STPG4: variants seen among roughly 807,000 people sequenced by gnomAD.
STPG4 encodes the protein protein STPG4.
In STPG4, 41 loss-of-function variants were observed where a neutral mutation model predicts 31.5. That is an observed-to-expected ratio of 1.30 (90% CI 1.01 to 1.69). The LOEUF is 1.69. STPG4 is among the 40% of genes most tolerant of loss of function. The pLI, the probability that STPG4 is intolerant of heterozygous loss-of-function variation, is 0.00. For synonymous variants in STPG4, 141 were observed against 103.0 expected, an observed-to-expected ratio of 1.37 and a Z score of -2.24; for missense variants, 375 against 293.4, an observed-to-expected ratio of 1.28 and a Z score of -2.03.
chr2:47,131,862 G>C (rs771664896), intron 3 of STPG4, among the ~76,000 whole-genome samples: 13 of 152,168 alleles, frequency 8.5e-5, no homozygotes, highest in Non-Finnish European at 1.5e-4. Context: ...TATGATATAA[G>C]AATGTCAGGA....
chr2:47,098,043 G>T (rs1685710855), intron 5 of STPG4, among the ~76,000 whole-genome samples: 1 of 151,954 alleles, frequency 6.6e-6, no homozygotes, highest in Non-Finnish European at 1.5e-5. Flanking sequence ...GTATGAACAT[G>T]AGAATGGTTT....
intron 5 of STPG4, among the ~76,000 whole-genome samples, chr2:47,105,659 G>C (rs1030017570): frequency 2.6e-5 from 4 of 152,054 alleles, no homozygotes; most frequent in African/African-American, 9.7e-5. Flanking sequence ...AATGGGATAC[G>C]AAGGGCAGGT....
intron 5 of STPG4, among the ~76,000 whole-genome samples, chr2:47,093,215 A>G (rs753409843): frequency 1.3e-4 from 20 of 152,308 alleles, no homozygotes; most frequent in Admixed American, 3.9e-4. Flanking sequence ...CCAAGCACAC[A>G]TCTGATAATC....
intron 3 of STPG4, among the ~76,000 whole-genome samples, chr2:47,140,216 G>A (rs1173126277): frequency 6.6e-6 from 1 of 152,172 alleles, no homozygotes; most frequent in East Asian, 1.9e-4. Context: ...AAAGCTGGCT[G>A]GAGTTGGGTA....
At chr2:47,111,705 A>C (rs1399501604) in intron 5 of STPG4, among the ~76,000 whole-genome samples, 1 of 152,174 alleles carries the variant, frequency 6.6e-6, no homozygotes, top group Non-Finnish European at 1.5e-5. Context: ...TTATGGTAGA[A>C]TATGTCCTCT....
chr2:47,120,084 C>T (rs1230630844), intron 5 of STPG4, among the ~76,000 whole-genome samples: 2 of 152,144 alleles, frequency 1.3e-5, no homozygotes, highest in East Asian at 3.9e-4. Flanking sequence ...TAATCCCAGC[C>T]CTTTGGGAGG....
chr2:47,121,650 T>A (rs142588580), intron 5 of STPG4, among the ~76,000 whole-genome samples: 72 of 152,272 alleles, frequency 4.7e-4, no homozygotes, highest in African/African-American at 1.5e-3. Flanking sequence ...AAATTTATTC[T>A]CTCATAGTTC....
chr2:47,101,934 C>T (rs577534541), intron 5 of STPG4, among the ~76,000 whole-genome samples: 9 of 151,636 alleles, frequency 5.9e-5, no homozygotes, highest in East Asian at 5.8e-4. Flanking sequence ...AACAGGTTTT[C>T]GAGAATGTGT....
At position 47,117,329 on chromosome 2, in the gene STPG4, C is replaced by T. The variant is rs548379816; in HGVS notation, c.519+12612G>A. Among the ~76,000 whole-genome samples, 500 of 152,294 alleles carry T rather than the reference C, an allele frequency of 3.3e-3. 2 individuals carry two copies. The highest frequency in any genetic ancestry group is 0.017 in the Middle Eastern group (5 of 294). On this transcript the variant is annotated intron_variant, in intron 5 of 6. Transcript: ENST00000445927. Reference sequence around the variant, plus strand: ...GGTTCAAGTGATTCTCCTGCCTCACCCTCCCGAGTAGCTGGGATTAGAGGC... The same window carrying T: ...GGTTCAAGTGATTCTCCTGCCTCACTCTCCCGAGTAGCTGGGATTAGAGGC...
intron 5 of STPG4, among the ~76,000 whole-genome samples, chr2:47,100,101 A>C (rs1685760663): frequency 1.3e-5 from 2 of 152,068 alleles, no homozygotes; most frequent in South Asian, 4.1e-4. Context: ...CGACCACCCA[A>C]GGGCTGAGGA....
chr2:47,104,892 G>A (rs1363908058), intron 5 of STPG4, among the ~76,000 whole-genome samples: 1 of 151,966 alleles, frequency 6.6e-6, no homozygotes, highest in African/African-American at 2.4e-5. Context: ...CCCTCAGCAA[G>A]GAACAAATAC....
intron 5 of STPG4, among the ~76,000 whole-genome samples, chr2:47,114,747 G>T (rs1418620022): frequency 6.6e-6 from 1 of 151,870 alleles, no homozygotes; most frequent in African/African-American, 2.4e-5. Context: ...ATTCTTAAAC[G>T]ATCATCCAAC....
chr2:47,100,632 C>T lies in STPG4; in HGVS notation c.520-10258G>A, dbSNP rs981298275. On this transcript the variant is annotated intron_variant, in intron 5 of 6. Coordinates refer to ENST00000445927, the MANE Select transcript of STPG4 (RefSeq NM_001163561.2). ...CTTTCGCTCTTTGCAATAAATCTTGCTACTGCTCACTCTTTGGGTCCACAC... is the reference window on the plus strand; with the variant it reads ...CTTTCGCTCTTTGCAATAAATCTTGTTACTGCTCACTCTTTGGGTCCACAC... 4.4e-4 allele frequency among the ~76,000 whole-genome samples: 66 copies of T among 151,692 alleles called. 1 individual carries two copies. Among genetic ancestry groups the T allele is most frequent in the Admixed American group, 3.7e-3 (57 of 15,266 alleles).
At chr2:47,106,327 A>C (rs1685909421) in intron 5 of STPG4, among the ~76,000 whole-genome samples, 2 of 151,848 alleles carry the variant, frequency 1.3e-5, no homozygotes, top group African/African-American at 4.9e-5. Flanking sequence ...TGCCCCAGGA[A>C]ATCAGACCTT....
At chr2:47,102,131 G>T (rs746912732) in intron 5 of STPG4, among the ~76,000 whole-genome samples, 4 of 151,660 alleles carry the variant, frequency 2.6e-5, no homozygotes, top group Non-Finnish European at 5.9e-5. Flanking sequence ...CAACTATTCC[G>T]ATCAGCAGGG....
At position 47,090,224 on chromosome 2, in the gene STPG4, C is replaced by T. The variant is rs1558667676; in HGVS notation, c.624+46G>A. ...AGAAACAGAAAACCTACCACCATAA[C>T]CATACCCCTAGGGGTGGGGGGCGAT... On this transcript the variant is annotated intron_variant, in intron 6 of 6. Transcript: ENST00000445927. 4.4e-6 allele frequency: 6 copies of T among 1,353,720 alleles called. No individual in the cohort carries two copies. The East Asian group carries it at 7.5e-5, about 17-fold the overall frequency. The allele number at this position is 1,353,720 out of a possible 1,614,324, so 83.9% of individuals were successfully genotyped here. A position where few individuals can be genotyped will look rare whatever the true frequency, so the allele number is the denominator to read the frequency against.
At chr2:47,112,530 TC>T (rs1238650209) in intron 5 of STPG4, among the ~76,000 whole-genome samples, 1 of 152,176 alleles carries the variant, frequency 6.6e-6, no homozygotes, top group East Asian at 1.9e-4. Flanking sequence ...TTTTCACTGA[TC>T]ATGTTAAGAA....
intron 5 of STPG4, among the ~76,000 whole-genome samples, chr2:47,117,239 C>A (rs564204925): frequency 2.0e-5 from 3 of 152,114 alleles, no homozygotes; most frequent in Non-Finnish European, 4.4e-5. Context: ...GAAGGACTTT[C>A]GCTCTTGTTG....
intron 3 of STPG4, among the ~76,000 whole-genome samples, chr2:47,134,782 C>G (rs1558684772): frequency 6.6e-6 from 1 of 152,316 alleles, no homozygotes; most frequent in East Asian, 1.9e-4. Flanking sequence ...AACGGCCAAA[C>G]TGTCTTCCAA....
Sources: allele counts gnomAD v4.1 joint callset (sites outside exome capture counted in the v4.1 genomes callset), GRCh38; gene constraint gnomAD v4.1.1; transcripts MANE v1.5; gene names NCBI Gene and HGNC (gene_info 2026-07-23, HGNC 2026-07-21).